SIDT1: variants seen among roughly 807,000 people sequenced by gnomAD.
SIDT1 encodes the protein SID1 transmembrane family member 1.
SIDT1 carries 101 observed loss-of-function variants against 107.5 expected under a neutral mutation model. That is an observed-to-expected ratio of 0.94 (90% CI 0.80 to 1.11). The LOEUF is 1.11. Ranked by LOEUF, SIDT1 falls within the 50% of genes least tolerant of loss-of-function variation. SIDT1 has a pLI of 0.00. For synonymous variants in SIDT1, 395 were observed against 398.2 expected, an observed-to-expected ratio of 0.99 and a Z score of 0.10; for missense variants, 1,076 against 1,058.2, an observed-to-expected ratio of 1.02 and a Z score of -0.23.
intron 4 of SIDT1, among the ~76,000 whole-genome samples, chr3:113,580,286 G>A (rs1027109185): frequency 6.6e-6 from 1 of 152,122 alleles, no homozygotes; most frequent in African/African-American, 2.4e-5. Context: ...AATTTAAAGG[G>A]GGCAGGATGC....
chr3:113,586,545 T>A (rs956440138), intron 9 of SIDT1, among the ~76,000 whole-genome samples: 1 of 152,210 alleles, frequency 6.6e-6, no homozygotes, highest in Non-Finnish European at 1.5e-5. Context: ...GAATCATCGA[T>A]GAATGCCAAA....
At position 113,595,489 on chromosome 3, in the gene SIDT1, G is replaced by A. The variant is rs139499406; in HGVS notation, c.1045+2441G>A. ...AGCTACTTCGGAGGCTGCTATGGGA[G>A]GATCGCTTGAGCCCAGGATGTTGGG... is the stretch of plus-strand genomic sequence containing the variant. On this transcript the variant is annotated intron_variant, in intron 10 of 24. Transcript: ENST00000264852. 2.6e-4 allele frequency among the ~76,000 whole-genome samples: 39 copies of A among 152,152 alleles called. No homozygotes were observed. In the East Asian group the frequency reaches 7.3e-3, roughly 29 times the overall value.
At chr3:113,557,374 A>G (rs1345540467) in intron 1 of SIDT1, among the ~76,000 whole-genome samples, 1 of 152,224 alleles carries the variant, frequency 6.6e-6, no homozygotes, top group Non-Finnish European at 1.5e-5. Flanking sequence ...GAACCTATCA[A>G]TGTGACCTTA....
Position 113,593,045 on chromosome 3 carries a change from G to A in SIDT1, c.1042G>A (p.Asp348Asn). The A allele has an allele frequency of 6.2e-7, 1 of 1,612,802 alleles. No individual in the cohort carries two copies. The highest frequency in any genetic ancestry group is 8.5e-7 in the Non-Finnish European group (1 of 1,178,738). The change falls in exon 10 of 25, where the codon GAT becomes AAT. Residue 348 changes from aspartate (D) to asparagine (N), a missense_variant. By Grantham distance (23) the Asp-to-Asn change is conservative. Transcript: ENST00000264852. ...KSIDGSFGSN[D>N]GSGNMVASHP... ...CATTGATGGAAGCTTTGGGTCCAAT[G>A]ATGGTAAGAGCAATGCTTGGTTTCA...
chr3:113,553,962 G>A (rs982656369), intron 1 of SIDT1, among the ~76,000 whole-genome samples: 3 of 152,172 alleles, frequency 2.0e-5, no homozygotes, highest in Admixed American at 6.5e-5. Flanking sequence ...CAGGAGAATC[G>A]CTTGAACCCA....
intron 1 of SIDT1, among the ~76,000 whole-genome samples, chr3:113,540,318 G>A (rs756007970): frequency 3.9e-5 from 6 of 152,144 alleles, no homozygotes; most frequent in Non-Finnish European, 8.8e-5. Context: ...CTTCAACATT[G>A]GGGATCAAAT....
In SIDT1 at chr3:113,585,187, T is replaced by C. The variant is rs1331700060; in HGVS notation, c.918T>C (p.Tyr306=). ...TTTCTCTCCCTTCAGAATCTGTTTA[T>C]GTGAAATCCAGTCTTTTCAGTGTCT... ...TIVPSIKESV[Y]VKSSLFSVFI... The change falls in exon 9 of 25, where the codon TAT becomes TAC. Residue 306 remains tyrosine (Y), a synonymous_variant. Transcript: ENST00000264852. 4.3e-6 allele frequency: 7 copies of C among 1,612,946 alleles called. No individual in the cohort carries two copies.
At position 113,533,119 on chromosome 3, in the gene SIDT1, C is replaced by T. The variant is rs898333471; in HGVS notation, c.98C>T (p.Pro33Leu). 41 of 1,554,428 alleles carry T rather than the reference C, an allele frequency of 2.6e-5. No individual in the cohort carries two copies. The highest frequency in any genetic ancestry group is 2.8e-5 in the African/African-American group (2 of 71,502). Residue 33 changes from proline to leucine, a missense_variant, in exon 1 of 25, where the codon CCG (proline) becomes CTG (leucine). Pro to Leu is a moderately conservative substitution (Grantham distance 98, BLOSUM62 -3). Transcript: ENST00000264852. ...CCGGCGAAATCCCCCAGGCAGCCCCCGGCACCGCGCCGCGACCCCTTCGAC... is the reference window on the plus strand; with the variant it reads ...CCGGCGAAATCCCCCAGGCAGCCCCTGGCACCGCGCCGCGACCCCTTCGAC... ...GHPAKSPRQP[P>L]APRRDPFDAA...
chr3:113,620,204 GT>G (rs1946373997), intron 21 of SIDT1, among the ~76,000 whole-genome samples: 1 of 151,834 alleles, frequency 6.6e-6, no homozygotes, highest in African/African-American at 2.4e-5. Context: ...GTGTGTGTGT[GT>G]GTGTGTGTGT....
chr3:113,596,831 C>T (rs1944590825), intron 10 of SIDT1, among the ~76,000 whole-genome samples: 1 of 152,220 alleles, frequency 6.6e-6, no homozygotes, highest in Admixed American at 6.5e-5. Flanking sequence ...GAGGAGGTTA[C>T]TTTCTCAAAT....
chr3:113,608,159 T>C lies in SIDT1; in HGVS notation c.1544T>C (p.Val515Ala). The C allele has an allele frequency of 1.2e-6, 2 of 1,612,326 alleles. No individual in the cohort carries two copies. Among genetic ancestry groups the C allele is most frequent in the Non-Finnish European group, 1.7e-6 (2 of 1,179,346 alleles). ...CTGGGCTTCCTCTTCCTGCTGATAG[T>C]CTTGCGCCGCGACATCCTCCATCGG... ...VLLGFLFLLIVLRRDILHRRA... is the reference protein window; with the variant it reads ...VLLGFLFLLIALRRDILHRRA... The change falls in exon 16 of 25, where the codon GTC becomes GCC. Residue 515 changes from valine (V) to alanine (A), a missense_variant. Val to Ala is a moderately conservative substitution (Grantham distance 64). Coordinates refer to ENST00000264852, the MANE Select transcript of SIDT1 (RefSeq NM_017699.3).
intron 1 of SIDT1, among the ~76,000 whole-genome samples, chr3:113,550,775 G>A (rs1940139084): frequency 1.3e-5 from 2 of 151,828 alleles, no homozygotes. Flanking sequence ...TTTATTTTAA[G>A]TTCAGGGGTA....
At chr3:113,557,414 CA>C (rs1940993645) in intron 1 of SIDT1, among the ~76,000 whole-genome samples, 1 of 152,066 alleles carries the variant, frequency 6.6e-6, no homozygotes, top group African/African-American at 2.4e-5. Flanking sequence ...CAGTTGTGAC[CA>C]AGTTAAGATG....
intron 11 of SIDT1, chr3:113,602,650 T>G (rs936170036): frequency 5.8e-6 from 1 of 171,730 alleles, no homozygotes; most frequent in African/African-American, 2.4e-5. Context: ...ATGCTATACA[T>G]AGCGATGTGC....
At chr3:113,544,149 T>G (rs1211632681) in intron 1 of SIDT1, among the ~76,000 whole-genome samples, 2 of 151,994 alleles carry the variant, frequency 1.3e-5, no homozygotes, top group African/African-American at 2.4e-5. Context: ...GAACACACAT[T>G]GCATTTAATT....
chr3:113,626,320 A>T, intron 24 of SIDT1, 105 bp downstream of exon 24: 1 of 703,002 alleles, frequency 1.4e-6, no homozygotes, highest in East Asian at 2.7e-5. Flanking sequence ...CTCTAATTTT[A>T]CTTTCCATTT....
At chr3:113,635,873 C>CAAAA in the SIDT1 span, among the ~76,000 whole-genome samples, 3 of 95,758 alleles carry the variant, frequency 3.1e-5, no homozygotes, top group South Asian at 9.6e-4. Flanking sequence ...GACTCTGTCT[C>CAAAA]AAAAAAAAAA....
At chr3:113,534,731 T>C (rs1937907588) in intron 1 of SIDT1, among the ~76,000 whole-genome samples, 1 of 152,210 alleles carries the variant, frequency 6.6e-6, no homozygotes, top group Admixed American at 6.5e-5. Flanking sequence ...CCTAAATCAT[T>C]GGTAAGAAAA....
chr3:113,630,048 C>T (rs951502443), downstream of SIDT1, among the ~76,000 whole-genome samples: 27 of 151,954 alleles, frequency 1.8e-4, no homozygotes, highest in African/African-American at 5.5e-4. Flanking sequence ...AAGAGCTTAA[C>T]GAGCCATTTC....
Sources: allele counts gnomAD v4.1 joint callset (sites outside exome capture counted in the v4.1 genomes callset), GRCh38; gene constraint gnomAD v4.1.1; transcripts MANE v1.5; gene names NCBI Gene and HGNC (gene_info 2026-07-23, HGNC 2026-07-21).